SZT2: variants seen among roughly 807,000 people sequenced by gnomAD.
The protein encoded by SZT2 is KICSTOR complex protein SZT2.
A neutral mutation model predicts 404.2 loss-of-function variants in SZT2; 216 were observed. That is an observed-to-expected ratio of 0.53 (90% confidence interval 0.48 to 0.60). SZT2 has a LOEUF of 0.60. SZT2 is among the 20% of genes least tolerant of loss of function. The pLI is 0.00. For synonymous variants in SZT2, 1,693 were observed against 1,749.9 expected, an observed-to-expected ratio of 0.97 and a Z score of 0.81; for missense variants, 3,857 against 4,459.2, an observed-to-expected ratio of 0.86 and a Z score of 3.85.
rs1656249325 is a variant in SZT2, at chr1:43,450,351, T to C, written c.10170T>C (p.Val3390=). 1 of 1,614,030 alleles carries C rather than the reference T, an allele frequency of 6.2e-7. No homozygotes were observed. The highest frequency in any genetic ancestry group is 1.3e-5 in the African/African-American group (1 of 74,996). Residue 3390 remains valine (V), a synonymous_variant, in exon 72 of 72, where the codon GTT becomes GTC. Coordinates refer to ENST00000634258, the MANE Select transcript of SZT2 (RefSeq NM_001365999.1). This position sits in a 1 kb window ranked among gnomAD's most constrained non-coding sequence, Gnocchi z 4.3. The part of the protein sequence containing the change: ...SHLGKTSLTV[V]FREPFPVQPQ... ...GTTCCCCACAGTCTCTGACAGTGGT[T>C]TTCCGAGAGCCCTTCCCAGTACAGC... is the stretch of plus-strand genomic sequence containing the variant.
chr1:43,432,777 C>G lies in SZT2; in HGVS notation c.5580C>G (p.Gly1860=). The change falls in exon 39 of 72, where the codon GGC becomes GGG. Residue 1860 remains glycine, a synonymous_variant. Coordinates refer to ENST00000634258, the MANE Select transcript of SZT2 (RefSeq NM_001365999.1). ...SRGLSLMSSQ[G]SVDSDHLGYD... ...GATTAAGTCTCATGTCCAGTCAGGG[C>G]AGTGTGGACTCAGACCACCTAGGTA... 1 of 1,613,848 alleles carries G rather than the reference C, an allele frequency of 6.2e-7. No homozygotes were observed.
Position 43,422,056 on chromosome 1 carries a change from C to T in SZT2, c.1627-27C>T, listed in dbSNP as rs1291747187. The stretch of plus-strand genomic sequence containing the variant: ...GTACCCTGGTCCTCTGCAAATGCTC[C>T]TATAGTGCTGTCCTTCCTGTCCTCA... On this transcript the variant is annotated intron_variant, in intron 11 of 71. Coordinates refer to ENST00000634258, the MANE Select transcript of SZT2 (RefSeq NM_001365999.1). 3 of 1,583,464 alleles carry T rather than the reference C, an allele frequency of 1.9e-6. No individual in the cohort carries two copies. The African/African-American group carries it at 4.0e-5, about 21-fold the overall frequency.
chr1:43,420,806 A>C lies in SZT2; in HGVS notation c.1319A>C (p.Glu440Ala). 1 of 1,598,350 alleles carries C rather than the reference A, an allele frequency of 6.3e-7. No individual in the cohort carries two copies. Among genetic ancestry groups the C allele is most frequent in the Non-Finnish European group, 8.5e-7 (1 of 1,179,786 alleles). ...CTGTGGAAACACAACATGCGCATTGAGTATGTGGCTATGGCACCCTGGCCC... is the reference window on the plus strand; with the variant it reads ...CTGTGGAAACACAACATGCGCATTGCGTATGTGGCTATGGCACCCTGGCCC... ...VLLWKHNMRI[E>A]YVAMAPWPLE... Residue 440 changes from glutamate (E) to alanine (A), a missense_variant, in exon 10 of 72, where the codon GAG becomes GCG. Transcript: ENST00000634258. This position sits in a 1 kb window ranked among gnomAD's most constrained non-coding sequence, Gnocchi z 5.1.
chr1:43,440,497 C>T lies in SZT2; in HGVS notation c.7255C>T (p.Arg2419Ter), dbSNP rs751581199. The T allele has an allele frequency of 3.7e-6, 6 of 1,607,434 alleles. No individual in the cohort carries two copies. Among genetic ancestry groups the T allele is most frequent in the Non-Finnish European group, 4.2e-6 (5 of 1,177,066 alleles). Residue 2419 changes from arginine to a stop codon, truncating the protein, a stop_gained, in exon 52 of 72, where the codon CGA (arginine) becomes TGA (stop). Coordinates refer to ENST00000634258, the MANE Select transcript of SZT2 (RefSeq NM_001365999.1). LOFTEE classifies it high-confidence loss of function. ...GSLETKSSAG[R>*]ASTFPPAPVP... Reference sequence around the variant, plus strand: ...GTTGGAAACTAAGAGCTCTGCAGGCCGAGCTAGCACCTTTCCCCCTGCCCC... The same window carrying T: ...GTTGGAAACTAAGAGCTCTGCAGGCTGAGCTAGCACCTTTCCCCCTGCCCC...
Position 43,416,617 on chromosome 1 carries a change from C to T in SZT2, c.855C>T (p.Gly285=). 1.3e-6 allele frequency: 2 copies of T among 1,597,976 alleles called. No homozygotes were observed. Among genetic ancestry groups the T allele is most frequent in the Non-Finnish European group, 1.7e-6 (2 of 1,179,668 alleles). ...CETLLNQLRS[G]TVACSFVQVG... ...CACTGCTGAACCAGCTTCGCAGTGG[C>T]ACTGTGGCTTGTTCCTTTGTCCAGG... The change falls in exon 7 of 72, where the codon GGC becomes GGT. Residue 285 remains glycine, a synonymous_variant. Transcript: ENST00000634258.
chr1:43,392,129 G>T (rs1450393230), intron 1 of SZT2, among the ~76,000 whole-genome samples: 8 of 118,822 alleles, frequency 6.7e-5, no homozygotes, highest in East Asian at 2.6e-4. Flanking sequence ...AAAAAAAAAT[G>T]AAACAAATGA....
chr1:43,443,818 C>G, intron 62 of SZT2, 22 bp downstream of exon 62: 1 of 1,612,302 alleles, frequency 6.2e-7, no homozygotes, highest in African/African-American at 1.3e-5. Context: ...CCTGTTTTCC[C>G]TTCTGTCTTC....
In SZT2 at chr1:43,432,791, A is replaced by C; in HGVS notation, c.5594A>C (p.Asp1865Ala). 6.2e-7 allele frequency: 1 copy of C among 1,613,696 alleles called. No individual in the cohort carries two copies. The highest frequency in any genetic ancestry group is 8.5e-7 in the Non-Finnish European group (1 of 1,179,846). ...LMSSQGSVDS[D>A]HLGYDGGSSG... ...TCCAGTCAGGGCAGTGTGGACTCAGACCACCTAGGTAAGCTGGGGGGACGG... is the reference window on the plus strand; with the variant it reads ...TCCAGTCAGGGCAGTGTGGACTCAGCCCACCTAGGTAAGCTGGGGGGACGG... The change falls in exon 39 of 72, where the codon GAC becomes GCC. Residue 1865 changes from aspartate to alanine, a missense_variant. Transcript: ENST00000634258.
intron 7 of SZT2, among the ~76,000 whole-genome samples, chr1:43,417,784 T>C (rs1651880202): frequency 6.6e-6 from 1 of 152,070 alleles, no homozygotes; most frequent in Non-Finnish European, 1.5e-5. Flanking sequence ...AGGTAGAGAT[T>C]TAAGATTTAT....
chr1:43,432,756 A>G lies in SZT2; in HGVS notation c.5559A>G (p.Leu1853=), dbSNP rs201860466. The change falls in exon 39 of 72, where the codon TTA becomes TTG. Residue 1853 remains leucine, a synonymous_variant. Transcript: ENST00000634258. ...GTCAGCCTGGGCCCAGCCGGGGATT[A>G]AGTCTCATGTCCAGTCAGGGCAGTG... The part of the protein sequence containing the change: ...GGSQPGPSRG[L]SLMSSQGSVD... 7 of 1,613,964 alleles carry G rather than the reference A, an allele frequency of 4.3e-6. No individual in the cohort carries two copies. The Admixed American group carries it at 1.0e-4, about 23-fold the overall frequency.
Position 43,450,420 on chromosome 1 carries a change from C to T in SZT2, c.10239C>T (p.Tyr3413=), listed in dbSNP as rs757144339. 90 of 1,614,024 alleles carry T rather than the reference C, an allele frequency of 5.6e-5. No homozygotes were observed. The Middle Eastern group carries it at 6.6e-4, about 12-fold the overall frequency. Residue 3413 remains tyrosine, a synonymous_variant, in exon 72 of 72, where the codon TAC becomes TAT. Transcript: ENST00000634258. The surrounding 1 kb of genome is among the most constrained non-coding windows in gnomAD (Gnocchi z 4.3). Reference sequence around the variant, plus strand: ...CCCCTGCCCAACTGGTCTCCACCTACCACCACCTGGAGTCTGTCATCAACA... The same window carrying T: ...CCCCTGCCCAACTGGTCTCCACCTATCACCACCTGGAGTCTGTCATCAACA... ...ESPPAQLVST[Y]HHLESVINTA...
At position 43,439,456 on chromosome 1, in the gene SZT2, C is replaced by T; in HGVS notation, c.6877+14C>T. 1.2e-6 allele frequency: 2 copies of T among 1,604,946 alleles called. No individual in the cohort carries two copies. The highest frequency in any genetic ancestry group is 1.7e-6 in the Non-Finnish European group (2 of 1,174,774). On this transcript the variant is annotated intron_variant, in intron 49 of 71. Coordinates refer to ENST00000634258, the MANE Select transcript of SZT2 (RefSeq NM_001365999.1). This position sits in a 1 kb window ranked among gnomAD's most constrained non-coding sequence, Gnocchi z 4.2. ...CTGGGGGCAAAGGTACGGTGCAGGG[C>T]ACGGGCCTGTGGCACCACCAGGTGA...
At chr1:43,418,717 G>A (rs1253351496) in intron 7 of SZT2, among the ~76,000 whole-genome samples, 4 of 152,152 alleles carry the variant, frequency 2.6e-5, no homozygotes, top group Non-Finnish European at 5.9e-5. Context: ...ATTTGAGAGC[G>A]ATGCTTATGA....
At chr1:43,421,598 C>T (rs912257676) in intron 11 of SZT2, among the ~76,000 whole-genome samples, 2 of 152,256 alleles carry the variant, frequency 1.3e-5, no homozygotes, top group South Asian at 2.1e-4. Flanking sequence ...CCCATCTCCA[C>T]GTGACATACT....
chr1:43,436,406 C>T (rs1207283800), intron 42 of SZT2: 1 of 152,202 alleles, frequency 6.6e-6, no homozygotes, highest in Non-Finnish European at 1.5e-5. Context: ...TTCAGAATGA[C>T]TTCCGGCAGC....
Position 43,420,758 on chromosome 1 carries a change from A to C in SZT2, c.1271A>C (p.Gln424Pro). 3.1e-6 allele frequency: 5 copies of C among 1,598,358 alleles called. No homozygotes were observed. In the East Asian group the frequency reaches 1.1e-4, roughly 36 times the overall value. ...TCCGCTTCTCCCTAAGGAGGGTCCC[A>C]ATTGGAGGTAAAGCTGGTGCTGCTG... ...REVTLAKGGSQLEVKLVLLWK... is the reference protein window; with the variant it reads ...REVTLAKGGSPLEVKLVLLWK... The change falls in exon 10 of 72, where the codon CAA becomes CCA. Residue 424 changes from glutamine (Q) to proline (P), a missense_variant. Around this residue, in one of 7 missense-constraint regions of SZT2, gnomAD observed 536 missense variants for 637.4 expected, o/e 0.84. Coordinates refer to ENST00000634258, the MANE Select transcript of SZT2 (RefSeq NM_001365999.1). The surrounding 1 kb of genome is among the most constrained non-coding windows in gnomAD (Gnocchi z 5.1).
Position 43,439,118 on chromosome 1 carries a change from ACACTCATGTG to A in SZT2, c.6792+29_6792+38del. 1 of 1,613,778 alleles carries A rather than the reference ACACTCATGTG, an allele frequency of 6.2e-7. No individual in the cohort carries two copies. The highest frequency in any genetic ancestry group is 1.1e-5 in the South Asian group (1 of 91,070). ...AGTGAGATGGCACTCATCTCTCTCCACACTCATGTGCACCCCTGCCCCCTGCCCCACGCAC... is the reference window on the plus strand; with the variant it reads ...AGTGAGATGGCACTCATCTCTCTCCACACCCCTGCCCCCTGCCCCACGCAC... On this transcript the variant is annotated intron_variant, in intron 48 of 71. Coordinates refer to ENST00000634258, the MANE Select transcript of SZT2 (RefSeq NM_001365999.1). The surrounding 1 kb of genome is among the most constrained non-coding windows in gnomAD (Gnocchi z 4.2).
rs748208436 is a variant in SZT2 at position 43,442,864 on chromosome 1, A to G, written c.8197A>G (p.Ile2733Val). The change falls in exon 59 of 72, where the codon ATC becomes GTC. Residue 2733 changes from isoleucine to valine, a missense_variant. By Grantham distance (29) the Ile-to-Val change is conservative. This residue lies in a region of SZT2 where 573 missense variants were observed against 592.4 expected (regional missense o/e 0.97). Transcript: ENST00000634258. The surrounding 1 kb of genome is among the most constrained non-coding windows in gnomAD (Gnocchi z 4.5). ...GCCGACCATGGAAGTGGAGACCCTC[A>G]TCCGGAGTGCAAGTCCCCCGCTGAG... The part of the protein sequence containing the change: ...LLPTMEVETL[I>V]RSASPPLSRE... 34 of 1,612,904 alleles carry G rather than the reference A, an allele frequency of 2.1e-5. No homozygotes were observed. Among genetic ancestry groups the G allele is most frequent in the African/African-American group, 4.0e-5 (3 of 74,902 alleles).
Position 43,437,072 on chromosome 1 carries a change from T to A in SZT2, c.6035-99T>A. ...TCTCTGCAATAGTCAGGGATGAGTCTGGAGGAGTGAGGACAAGTAGGCCAG... is the reference window on the plus strand; with the variant it reads ...TCTCTGCAATAGTCAGGGATGAGTCAGGAGGAGTGAGGACAAGTAGGCCAG... On this transcript the variant is annotated intron_variant, in intron 42 of 71. Coordinates refer to ENST00000634258, the MANE Select transcript of SZT2 (RefSeq NM_001365999.1). This position sits in a 1 kb window ranked among gnomAD's most constrained non-coding sequence, Gnocchi z 5.3. 1 of 1,473,026 alleles carries A rather than the reference T, an allele frequency of 6.8e-7. No individual in the cohort carries two copies. The highest frequency in any genetic ancestry group is 1.2e-5 in the South Asian group (1 of 80,126). The allele number at this position is 1,473,026 out of a possible 1,614,324, so 91.2% of individuals were successfully genotyped here.
Sources: gnomAD v4.1 joint callset for allele counts (sites outside exome capture counted in the v4.1 genomes callset) on GRCh38, gnomAD v4.1.1 for gene constraint, gnomAD v4.1.1 regional missense constraint, Gnocchi (gnomAD v3.1) non-coding constraint, MANE v1.5 for transcripts, NCBI Gene and HGNC (gene_info 2026-07-23, HGNC 2026-07-21) for gene names.